Variants in CADM2 observed in about 807,000 individuals in gnomAD.
CADM2 encodes the protein immunoglobulin superfamily member 4D.
CADM2 carries 12 observed loss-of-function variants against 49.8 expected under a neutral mutation model. The ratio of observed to expected loss-of-function variants is 0.24; its 90% confidence interval spans 0.15 to 0.39. The LOEUF (loss-of-function observed/expected upper bound fraction) is 0.39. CADM2 is among the 10% of genes least tolerant of loss of function. The pLI is 1.00. For synonymous variants in CADM2, 214 were observed against 175.4 expected (o/e 1.22, Z -1.74); for missense variants, 378 against 492.3 (o/e 0.77, Z 2.20).
intron 1 of CADM2, among the ~76,000 whole-genome samples, chr3:85,472,914 C>T (rs745825249): frequency 2.0e-5 from 3 of 152,036 alleles, no homozygotes; most frequent in Non-Finnish European, 2.9e-5. Context: ...TATCACAATA[C>T]GTGTAGTCCC....
chr3:86,007,923 A>G lies in CADM2; in HGVS notation c.970+46276A>G, dbSNP rs1339829808. 2.6e-5 allele frequency among the ~76,000 whole-genome samples: 4 copies of G among 152,174 alleles called. No individual in the cohort carries two copies. In the East Asian group the frequency reaches 7.7e-4, roughly 29 times the overall value. ...TGTCTTGTTCTTCGTTTTATTGAAC[A>G]TTTGCAAATTAATCTCAAACAGATC... On this transcript the variant is annotated intron_variant, in intron 8 of 9. Transcript: ENST00000383699.
chr3:85,568,048 G>A (rs1193106640), intron 1 of CADM2, among the ~76,000 whole-genome samples: 1 of 152,170 alleles, frequency 6.6e-6, no homozygotes, highest in Non-Finnish European at 1.5e-5. Context: ...AGTCCACTGA[G>A]TCAAATGCCA....
intron 1 of CADM2, among the ~76,000 whole-genome samples, chr3:85,642,469 G>T (rs1361105303): frequency 6.6e-6 from 1 of 152,076 alleles, no homozygotes. Flanking sequence ...AGGAAGAATA[G>T]AATGGAAGGT....
chr3:85,435,586 C>T (rs1435362807), intron 1 of CADM2, among the ~76,000 whole-genome samples: 2 of 152,082 alleles, frequency 1.3e-5, no homozygotes, highest in African/African-American at 2.4e-5. Flanking sequence ...CTTGAGGAAT[C>T]GCCACACTGT....
chr3:85,618,171 A>G (rs530400939), intron 1 of CADM2, among the ~76,000 whole-genome samples: 15 of 152,352 alleles, frequency 9.8e-5, no homozygotes, highest in South Asian at 8.3e-4. Flanking sequence ...ATTACATAGC[A>G]GCTAAATTAA....
chr3:85,726,713 T>C (rs963259040), intron 2 of CADM2, among the ~76,000 whole-genome samples, 165 bp downstream of exon 2: 2 of 152,126 alleles, frequency 1.3e-5, no homozygotes, highest in African/African-American at 4.8e-5. Flanking sequence ...ATTTCAGTTA[T>C]CCAATTTCTG....
chr3:85,095,058 T>G (rs1286718443), intron 1 of CADM2, among the ~76,000 whole-genome samples: 1 of 152,196 alleles, frequency 6.6e-6, no homozygotes, highest in African/African-American at 2.4e-5. Flanking sequence ...TCTCAATAAA[T>G]TATTTATAGA....
chr3:85,418,141 ATAAAT>A (rs1027447534), intron 1 of CADM2, among the ~76,000 whole-genome samples: 1 of 152,122 alleles, frequency 6.6e-6, no homozygotes, highest in Non-Finnish European at 1.5e-5. Flanking sequence ...CCAGTATAAT[ATAAAT>A]TAAAATTATG....
chr3:85,507,247 G>C (rs544482092), intron 1 of CADM2, among the ~76,000 whole-genome samples: 6 of 148,712 alleles, frequency 4.0e-5, no homozygotes, highest in Non-Finnish European at 7.4e-5. Flanking sequence ...GCAGTGGTGC[G>C]ATCTCGGCTT....
intron 8 of CADM2, among the ~76,000 whole-genome samples, chr3:86,055,017 G>A (rs1335966984): frequency 1.3e-5 from 2 of 152,036 alleles, no homozygotes; most frequent in Non-Finnish European, 2.9e-5. Flanking sequence ...AAGACAGGAA[G>A]CAACAGAATA....
chr3:85,156,783 C>T (rs1030077905), intron 1 of CADM2, among the ~76,000 whole-genome samples: 4 of 152,182 alleles, frequency 2.6e-5, no homozygotes, highest in African/African-American at 9.7e-5. Context: ...TGGCACAAGA[C>T]AGGGATGCCC....
At chr3:85,591,516 C>T (rs752067514) in intron 1 of CADM2, among the ~76,000 whole-genome samples, 1 of 151,934 alleles carries the variant, frequency 6.6e-6, no homozygotes, top group Non-Finnish European at 1.5e-5. Flanking sequence ...ACGGAAATTT[C>T]ACCACCATCA....
chr3:85,822,838 TA>T (rs2073672614), intron 3 of CADM2, among the ~76,000 whole-genome samples: 1 of 152,188 alleles, frequency 6.6e-6, no homozygotes, highest in Non-Finnish European at 1.5e-5. Context: ...TAACTTTTCC[TA>T]AATGTGCGAT....
chr3:85,591,981 G>T (rs1301952676), intron 1 of CADM2, among the ~76,000 whole-genome samples: 2 of 151,886 alleles, frequency 1.3e-5, no homozygotes, highest in South Asian at 4.2e-4. Context: ...TAAAAATCAG[G>T]TAACTTCCTG....
At position 85,738,388 on chromosome 3, in the gene CADM2, G is replaced by A. The variant is rs4423781; in HGVS notation, c.88+11840G>A. 3.1e-4 allele frequency among the ~76,000 whole-genome samples: 47 copies of A among 152,186 alleles called. No homozygotes were observed. In the East Asian group the frequency reaches 8.5e-3, roughly 28 times the overall value. On this transcript the variant is annotated intron_variant, in intron 2 of 9. Transcript: ENST00000383699. ...ATATTTTTTCCTTATAAAACTGAGG[G>A]ATTAATTTAGATTTAGGTAAAATAT...
At chr3:85,019,481 T>C (rs1464293081) in intron 1 of CADM2, among the ~76,000 whole-genome samples, 1 of 152,080 alleles carries the variant, frequency 6.6e-6, no homozygotes, top group Non-Finnish European at 1.5e-5. Flanking sequence ...AGATCCTGTA[T>C]GAAAAAACAA....
chr3:85,180,465 C>T (rs570773353), intron 1 of CADM2, among the ~76,000 whole-genome samples: 6 of 141,984 alleles, frequency 4.2e-5, no homozygotes, highest in South Asian at 4.5e-4. Context: ...GCCGCGGTAG[C>T]GCCACTGCAC....
At chr3:85,353,418 T>A (rs2031544258) in intron 1 of CADM2, among the ~76,000 whole-genome samples, 1 of 152,126 alleles carries the variant, frequency 6.6e-6, no homozygotes, top group Non-Finnish European at 1.5e-5. Context: ...TTTCACTCCT[T>A]TACACATAAA....
chr3:85,058,113 A>T (rs2036161500), intron 1 of CADM2, among the ~76,000 whole-genome samples: 1 of 152,186 alleles, frequency 6.6e-6, no homozygotes. Context: ...TGTGTGCACT[A>T]ATGCACATGT....
Sources: gnomAD v4.1 joint callset for allele counts (sites outside exome capture counted in the v4.1 genomes callset) on GRCh38, gnomAD v4.1.1 for gene constraint, MANE v1.5 for transcripts, NCBI Gene and HGNC (gene_info 2026-07-23, HGNC 2026-07-21) for gene names.